NOTCH3: variants seen among roughly 807,000 people sequenced by gnomAD.
NOTCH3 encodes notch receptor 3, also known as neurogenic locus notch homolog protein 3.
Under a neutral mutation model 213.3 loss-of-function variants are expected in NOTCH3, and 86 were observed. The observed-to-expected ratio is 0.40, with a 90% CI of 0.34 to 0.48. The LOEUF is 0.48. NOTCH3 is among the 20% of genes least tolerant of loss of function. NOTCH3 has a pLI of 0.57. For missense variants in NOTCH3, 2,783 were observed against 3,272.6 expected, an observed-to-expected ratio of 0.85 and a Z score of 3.65; for synonymous variants, 1,354 against 1,355.9, an observed-to-expected ratio of 1.00 and a Z score of 0.03.
intron 16 of NOTCH3, among the ~76,000 whole-genome samples, chr19:15,184,037 C>CAAAAAA (rs34518539): frequency 3.6e-5 from 1 of 27,634 alleles, no homozygotes; most frequent in Non-Finnish European, 8.3e-5. Context: ...GACTCTGTCT[C>CAAAAAA]AAAAAAAAAA....
chr19:15,200,761 C>T lies in NOTCH3; in HGVS notation c.118+27G>A, dbSNP rs760556930. 2.3e-5 allele frequency: 29 copies of T among 1,278,962 alleles called. No individual in the cohort carries two copies. The East Asian group carries it at 8.2e-4, about 36-fold the overall frequency. 79.2% of individuals were successfully genotyped at this position (1,278,962 alleles called of 1,614,324 possible). A position where few individuals can be genotyped will look rare whatever the true frequency, so the allele number is the denominator to read the frequency against. ...TGCACTCCCCCTCTGCCGCCCTCGT[C>T]CCATCCGCCAGGTCCCGGCCCCTCA... On this transcript the variant is annotated intron_variant, in intron 1 of 32. Transcript: ENST00000263388.
rs1333396423 is a variant in NOTCH3, at chr19:15,180,777, C to G, written c.3046G>C (p.Val1016Leu). Residue 1016 changes from valine (V) to leucine (L), a missense_variant, in exon 19 of 33, where the codon GTC becomes CTC. Transcript: ENST00000263388. ...CAAAGGCAATAGGCCCCAGTCTGGA[C>G]GCAGCGACCCCCGTTTTGACAAGGC... Reference protein sequence around the residue: ...RQPCQNGGRCVQTGAYCLCPP... With the variant: ...RQPCQNGGRCLQTGAYCLCPP... 6.2e-7 allele frequency: 1 copy of G among 1,607,094 alleles called. No homozygotes were observed. The highest frequency in any genetic ancestry group is 1.1e-5 in the South Asian group (1 of 89,230).
intron 6 of NOTCH3, among the ~76,000 whole-genome samples, chr19:15,190,131 G>A (rs758038979): frequency 2.0e-5 from 3 of 151,944 alleles, no homozygotes; most frequent in Admixed American, 6.6e-5. Flanking sequence ...AAGCTTAGCC[G>A]GGCATGGTGG....
rs139140037 is a variant in NOTCH3 at position 15,198,404 on chromosome 19, G to A, written c.119-826C>T. Among the ~76,000 whole-genome samples the A allele has an allele frequency of 3.9e-3, 597 of 152,308 alleles. 8 individuals carry two copies. The highest frequency in any genetic ancestry group is 0.014 in the African/African-American group (573 of 41,566). On this transcript the variant is annotated intron_variant, in intron 1 of 32. Coordinates refer to ENST00000263388, the MANE Select transcript of NOTCH3 (RefSeq NM_000435.3). Reference sequence around the variant, plus strand: ...GGAAGATCGAGAAAAACACAAAGACGTGAGAATGAACTAGAAGCAGATAGA... The same window carrying A: ...GGAAGATCGAGAAAAACACAAAGACATGAGAATGAACTAGAAGCAGATAGA...
chr19:15,194,884 G>A (rs1367050867), intron 2 of NOTCH3, among the ~76,000 whole-genome samples: 1 of 151,066 alleles, frequency 6.6e-6, no homozygotes. Flanking sequence ...TTGAACCCAG[G>A]AGATAGAGGC....
chr19:15,181,528 C>T (rs752282416), intron 17 of NOTCH3, 48 bp downstream of exon 17: 2 of 1,488,862 alleles, frequency 1.3e-6, no homozygotes, highest in South Asian at 1.2e-5. Context: ...GGTCCCAGGC[C>T]CCATCCCAAG....
chr19:15,189,035 G>A lies in NOTCH3; in HGVS notation c.1332C>T (p.Ala444=). 6.2e-7 allele frequency: 1 copy of A among 1,613,102 alleles called. No individual in the cohort carries two copies. Among genetic ancestry groups the A allele is most frequent in the Non-Finnish European group, 8.5e-7 (1 of 1,179,990 alleles). ...ACTGGCCTATGCGGTCGAGGCACGT[G>A]GCCTGGTTTCGGCAGGGCCCCGACA... The part of the protein sequence containing the change: ...ECLSGPCRNQ[A]TCLDRIGQFT... The change falls in exon 8 of 33, where the codon GCC becomes GCT. Residue 444 remains alanine (A), a synonymous_variant. Coordinates refer to ENST00000263388, the MANE Select transcript of NOTCH3 (RefSeq NM_000435.3).
chr19:15,171,220 G>A (rs949735489), intron 25 of NOTCH3, among the ~76,000 whole-genome samples: 1 of 152,116 alleles, frequency 6.6e-6, no homozygotes, highest in Non-Finnish European at 1.5e-5. Flanking sequence ...TAGAGACGGG[G>A]TTTCACCACG....
At chr19:15,180,282 A>C (rs2046828660) in intron 19 of NOTCH3, 26 bp from the exon 20 acceptor site, 1 of 1,612,070 alleles carries the variant, frequency 6.2e-7, no homozygotes, top group Admixed American at 1.7e-5. Flanking sequence ...TGGCACAGGA[A>C]CAGAGGTAAC....
rs151276393 is a variant in NOTCH3, at chr19:15,184,271, C to A, written c.2566+24G>T. Reference sequence around the variant, plus strand: ...ATGACTGTGTTCCCCAGAGCAGCACCCCCAAGAGCTCCCCTGCACTCACTG... The same window carrying A: ...ATGACTGTGTTCCCCAGAGCAGCACACCCAAGAGCTCCCCTGCACTCACTG... On this transcript the variant is annotated intron_variant, in intron 16 of 32. Transcript: ENST00000263388. 13,673 of 1,611,948 alleles carry A rather than the reference C, an allele frequency of 8.5e-3. 85 individuals are homozygous for A. Among genetic ancestry groups the A allele is most frequent in the Non-Finnish European group, 9.0e-3 (10,552 of 1,178,434 alleles).
Position 15,170,078 on chromosome 19 carries a change from G to A in NOTCH3, c.5199+8C>T. 1.9e-6 allele frequency: 3 copies of A among 1,546,338 alleles called. No homozygotes were observed. The highest frequency in any genetic ancestry group is 1.2e-5 in the South Asian group (1 of 85,872). The stretch of plus-strand genomic sequence containing the variant: ...AGGAGGGGGCAAAGGTCAGAGGGGG[G>A]GCAGTACCTTTAGCCGCTTGGCCTC... On this transcript the variant is annotated splice_region_variant and intron_variant, in intron 28 of 32. Transcript: ENST00000263388.
At chr19:15,187,854 T>C in intron 10 of NOTCH3, 27 bp downstream of exon 10, 1 of 1,528,220 alleles carries the variant, frequency 6.5e-7, no homozygotes, top group Non-Finnish European at 8.9e-7. Flanking sequence ...TCCTGATTCT[T>C]GTCGGACTGT....
chr19:15,185,763 C>A lies in NOTCH3; in HGVS notation c.1952-84G>T, dbSNP rs1241968100. The A allele has an allele frequency of 3.9e-5, 51 of 1,317,944 alleles. No homozygotes were observed. The allele number at this position is 1,317,944 out of a possible 1,614,324, so 81.6% of individuals were successfully genotyped here. ...GGACGACGTGACCCCACTTAGCACACCCACACCCCCGAGCAATGACCTCTT... is the reference window on the plus strand; with the variant it reads ...GGACGACGTGACCCCACTTAGCACAACCACACCCCCGAGCAATGACCTCTT... On this transcript the variant is annotated intron_variant, in intron 12 of 32. Transcript: ENST00000263388. The surrounding 1 kb of genome is among the most constrained non-coding windows in gnomAD (Gnocchi z 4.2).
In NOTCH3 at chr19:15,189,325, A is replaced by G. The variant is rs61749020; in HGVS notation, c.1140T>C (p.Pro380=). The G allele has an allele frequency of 0.028, 45,959 of 1,614,002 alleles. 862 individuals carry two copies. The highest frequency in any genetic ancestry group is 0.057 in the Middle Eastern group (344 of 6,062). ...CACATGCCCCACCCGTGAAGCCGGGAGGACAGGTGCAAATGGCCCGGCCGT... is the reference window on the plus strand; with the variant it reads ...CACATGCCCCACCCGTGAAGCCGGGGGGACAGGTGCAAATGGCCCGGCCGT... ...PVNGRAICTC[P]PGFTGGACDQ... The change falls in exon 7 of 33, where the codon CCT becomes CCC. Residue 380 remains proline (P), a synonymous_variant. Transcript: ENST00000263388.
In NOTCH3 at chr19:15,185,345, G is replaced by A. The variant is rs538348817; in HGVS notation, c.2208C>T (p.Asp736=). The change falls in exon 14 of 33, where the codon GAC becomes GAT. Residue 736 remains aspartate, a synonymous_variant. Transcript: ENST00000263388. The surrounding 1 kb of genome is among the most constrained non-coding windows in gnomAD (Gnocchi z 4.2). ...CCCTGCACGGCTGGGACTCACAGGC[G>A]TCTCGGGCCAGGCTCTGGCTGCAGC... is the stretch of plus-strand genomic sequence containing the variant. ...GPRCSQSLAR[D]ACESQPCRAG... The A allele has an allele frequency of 9.9e-6, 16 of 1,612,560 alleles. No individual in the cohort carries two copies. The highest frequency in any genetic ancestry group is 2.7e-5 in the African/African-American group (2 of 74,884).
At chr19:15,196,239 C>A (rs1158797900) in intron 2 of NOTCH3, among the ~76,000 whole-genome samples, 1 of 152,118 alleles carries the variant, frequency 6.6e-6, no homozygotes, top group African/African-American at 2.4e-5. Context: ...CGGGCTCATT[C>A]ACCTGTCGGC....
intron 25 of NOTCH3, among the ~76,000 whole-genome samples, chr19:15,173,188 G>A (rs1298789021): frequency 6.9e-6 from 1 of 145,106 alleles, no homozygotes; most frequent in Non-Finnish European, 1.5e-5. Context: ...TTGGGAGGCC[G>A]AGGCAGGTGG....
In NOTCH3 at chr19:15,160,974, G is replaced by A. The variant is rs528209250; in HGVS notation, c.6654C>T (p.Gly2218=). 4.4e-4 allele frequency: 689 copies of A among 1,568,838 alleles called. 4 individuals are homozygous for A. In the South Asian group the frequency reaches 7.4e-3, roughly 17 times the overall value. The change falls in exon 33 of 33, where the codon GGC becomes GGT. Residue 2218 remains glycine (G), a synonymous_variant. Transcript: ENST00000263388. ...GTGCCCCAGCCGCCGGGTACTCCTC[G>A]CCATGTCCTGGGACTGCCAGGTAAG... ...PPPYLAVPGH[G]EEYPAAGAHS...
rs768267631 is a variant in NOTCH3 at position 15,167,241 on chromosome 19, T to C, written c.5362+8A>G. On this transcript the variant is annotated splice_region_variant and intron_variant, in intron 29 of 32. Coordinates refer to ENST00000263388, the MANE Select transcript of NOTCH3 (RefSeq NM_000435.3). ...GGGCATCCCTTTGGGAGGGGCACTGTCACTAACCTGGGCCACGCACATTGA... is the reference window on the plus strand; with the variant it reads ...GGGCATCCCTTTGGGAGGGGCACTGCCACTAACCTGGGCCACGCACATTGA... 1 of 1,609,418 alleles carries C rather than the reference T, an allele frequency of 6.2e-7. No homozygotes were observed. The highest frequency in any genetic ancestry group is 1.1e-5 in the South Asian group (1 of 91,020).
Sources: gnomAD v4.1 joint callset for allele counts (sites outside exome capture counted in the v4.1 genomes callset) on GRCh38, gnomAD v4.1.1 for gene constraint, Gnocchi (gnomAD v3.1) non-coding constraint, MANE v1.5 for transcripts, NCBI Gene and HGNC (gene_info 2026-07-23, HGNC 2026-07-21) for gene names.